Variants in PTPRD observed in about 807,000 individuals in gnomAD.
PTPRD encodes receptor-type tyrosine-protein phosphatase delta.
Under a neutral mutation model 214.5 loss-of-function variants are expected in PTPRD, and 34 were observed. The observed-to-expected ratio is 0.16, with a 90% CI of 0.12 to 0.21. The LOEUF (loss-of-function observed/expected upper bound fraction) is 0.21. Among genes scored for constraint, PTPRD ranks in the 10% least tolerant of loss-of-function variants. The pLI, the probability that PTPRD is intolerant of heterozygous loss-of-function variation, is 1.00. For missense variants in PTPRD, 2,545 were observed against 2,398.7 expected (o/e 1.06, Z -1.27); for synonymous variants, 1,128 against 845.7 (o/e 1.33, Z -5.79).
At chr9:10,294,692 T>C (rs1220491861) in intron 3 of PTPRD, among the ~76,000 whole-genome samples, 1 of 151,990 alleles carries the variant, frequency 6.6e-6, no homozygotes, top group Non-Finnish European at 1.5e-5. Flanking sequence ...GCAAATAGGC[T>C]CAGAATTTCT....
At chr9:10,101,477 C>T (rs1483238241) in intron 3 of PTPRD, among the ~76,000 whole-genome samples, 1 of 151,534 alleles carries the variant, frequency 6.6e-6, no homozygotes, top group Admixed American at 6.6e-5. Flanking sequence ...TTGAACAGGG[C>T]ACAAACTTAG....
chr9:9,901,918 T>C (rs1426741463), intron 5 of PTPRD, among the ~76,000 whole-genome samples: 1 of 152,190 alleles, frequency 6.6e-6, no homozygotes, highest in Non-Finnish European at 1.5e-5. Flanking sequence ...CTCACCATCA[T>C]GAAAACAGCA....
chr9:9,559,067 C>T (rs1425608549), intron 8 of PTPRD, among the ~76,000 whole-genome samples: 1 of 152,198 alleles, frequency 6.6e-6, no homozygotes, highest in East Asian at 1.9e-4. Flanking sequence ...GCACCCATCC[C>T]GTTATTGGGT....
At chr9:8,837,894 C>T (rs1245473167) in intron 11 of PTPRD, among the ~76,000 whole-genome samples, 1 of 152,088 alleles carries the variant, frequency 6.6e-6, no homozygotes, top group African/African-American at 2.4e-5. Flanking sequence ...GAAGAGATTT[C>T]CCAGTATAAT....
At chr9:9,360,178 T>C (rs189400680) in intron 9 of PTPRD, among the ~76,000 whole-genome samples, 63 of 151,292 alleles carry the variant, frequency 4.2e-4, no homozygotes, top group African/African-American at 1.4e-3. Flanking sequence ...CTGACAGTTG[T>C]TTGATATTTT....
intron 2 of PTPRD, among the ~76,000 whole-genome samples, chr9:10,482,288 A>T (rs13297044): frequency 6.6e-6 from 1 of 151,606 alleles, no homozygotes; most frequent in Non-Finnish European, 1.5e-5. Flanking sequence ...GGAGAATGGC[A>T]TGAACCCGGG....
chr9:8,360,405 A>T (rs977985426), intron 39 of PTPRD, among the ~76,000 whole-genome samples: 3 of 152,326 alleles, frequency 2.0e-5, no homozygotes, highest in African/African-American at 7.2e-5. Context: ...TGGTGAATCT[A>T]ATATACAGTT....
intron 21 of PTPRD, among the ~76,000 whole-genome samples, chr9:8,515,195 C>T (rs1440509170): frequency 2.6e-5 from 4 of 152,184 alleles, no homozygotes; most frequent in East Asian, 1.9e-4. Flanking sequence ...TTACGACCTA[C>T]GGCAAGTTTC....
intron 2 of PTPRD, among the ~76,000 whole-genome samples, chr9:10,406,480 G>T (rs1473111220): frequency 6.6e-6 from 1 of 151,454 alleles, no homozygotes; most frequent in African/African-American, 2.4e-5. Context: ...CAAAAATCTT[G>T]ACAACATTCT....
At chr9:9,775,182 C>G (rs2098787493) in intron 5 of PTPRD, among the ~76,000 whole-genome samples, 1 of 152,164 alleles carries the variant, frequency 6.6e-6, no homozygotes, top group African/African-American at 2.4e-5. Flanking sequence ...AATCGAATCC[C>G]ATTTTCCTGT....
chr9:9,226,569 G>C (rs1186534085), intron 9 of PTPRD, among the ~76,000 whole-genome samples: 1 of 151,858 alleles, frequency 6.6e-6, no homozygotes, highest in African/African-American at 2.4e-5. Flanking sequence ...TAAAAATGTG[G>C]GAAAGAGGAA....
intron 11 of PTPRD, among the ~76,000 whole-genome samples, chr9:8,823,984 A>C (rs945681203): frequency 2.0e-5 from 3 of 152,136 alleles, no homozygotes; most frequent in African/African-American, 7.2e-5. Flanking sequence ...TGTATAGGGT[A>C]ACTTCCTGAT....
chr9:8,598,109 T>C (rs2094571812), intron 14 of PTPRD, among the ~76,000 whole-genome samples: 1 of 152,106 alleles, frequency 6.6e-6, no homozygotes, highest in Non-Finnish European at 1.5e-5. Flanking sequence ...TACCAACATG[T>C]TTACAGTATT....
intron 5 of PTPRD, among the ~76,000 whole-genome samples, chr9:9,895,931 G>T (rs568949730): frequency 3.3e-5 from 5 of 152,016 alleles, no homozygotes; most frequent in African/African-American, 1.2e-4. Context: ...TCTTTCTTGA[G>T]GTTATATGGC....
intron 14 of PTPRD, among the ~76,000 whole-genome samples, chr9:8,554,427 C>T (rs1055297804): frequency 6.6e-6 from 1 of 152,012 alleles, no homozygotes; most frequent in Non-Finnish European, 1.5e-5. Flanking sequence ...TCCTTGTTTT[C>T]CTCTAAATGA....
At chr9:9,824,907 G>C (rs1430836664) in intron 5 of PTPRD, among the ~76,000 whole-genome samples, 1 of 151,948 alleles carries the variant, frequency 6.6e-6, no homozygotes, top group Non-Finnish European at 1.5e-5. Context: ...TGTGAATTAA[G>C]ACAAAGCATA....
At chr9:8,988,101 G>A (rs187772545) in intron 11 of PTPRD, among the ~76,000 whole-genome samples, 7 of 152,084 alleles carry the variant, frequency 4.6e-5, no homozygotes, top group Non-Finnish European at 7.4e-5. Flanking sequence ...AATAGTACAG[G>A]TATATGACAG....
intron 31 of PTPRD, among the ~76,000 whole-genome samples, chr9:8,467,358 T>A (rs931431286): frequency 6.6e-6 from 1 of 151,868 alleles, no homozygotes; most frequent in Non-Finnish European, 1.5e-5. Context: ...TAGCTTTACT[T>A]ATAATACTGA....
At chr9:10,420,779 T>C (rs2098538427) in intron 2 of PTPRD, among the ~76,000 whole-genome samples, 2 of 151,954 alleles carry the variant, frequency 1.3e-5, no homozygotes, top group Non-Finnish European at 1.5e-5. Context: ...CTATTCTTTA[T>C]CACTTAAATA....
Sources: gnomAD v4.1 joint callset for allele counts (sites outside exome capture counted in the v4.1 genomes callset) on GRCh38, gnomAD v4.1.1 for gene constraint, MANE v1.5 for transcripts, NCBI Gene and HGNC (gene_info 2026-07-23, HGNC 2026-07-21) for gene names.